The following KRT72 variants were observed in gnomAD, a reference collection of about 807,000 sequenced individuals.
KRT72 encodes keratin 72.
Under a neutral mutation model 44.7 loss-of-function variants are expected in KRT72, and 44 were observed. The observed-to-expected ratio is 0.98, with a 90% CI of 0.77 to 1.27. KRT72 has a LOEUF of 1.27. Ranked by LOEUF, KRT72 falls within the 50% of genes most tolerant of loss-of-function variation. The pLI is 0.00. For synonymous variants in KRT72, 302 were observed against 280.4 expected (o/e 1.08, Z -0.77); for missense variants, 736 against 667.1 (o/e 1.10, Z -1.14).
rs7310138 is a variant in KRT72 at position 52,587,843 on chromosome 12, A to T, written c.1098T>A (p.Asp366Glu). ...EIGNVKKQCA[D>E]LETAIADAEQ... ...CAGCGTCGGCGATGGCCGTCTCCAG[A>T]TCGGCACACTGAGGGGCAAACAGAT... The change falls in exon 7 of 9, where the codon GAT (aspartate) becomes GAA (glutamate). Residue 366 changes from aspartate (D) to glutamate (E), a missense_variant. Coordinates refer to ENST00000293745, the MANE Select transcript of KRT72 (RefSeq NM_080747.3). The T allele has an allele frequency of 0.21, 338,642 of 1,613,338 alleles. 37,996 individuals carry two copies. The highest frequency in any genetic ancestry group is 0.24 in the Non-Finnish European group (277,663 of 1,179,480).
intron 7 of KRT72, 23 bp downstream of exon 7, chr12:52,587,608 C>T (rs1161912880): frequency 6.2e-7 from 1 of 1,613,076 alleles, no homozygotes; most frequent in Non-Finnish European, 8.5e-7. Context: ...CTGGTCCCGA[C>T]ACAAGGGTAT....
At chr12:52,592,748 G>A in intron 3 of KRT72, 144 bp downstream of exon 3, 1 of 715,690 alleles carries the variant, frequency 1.4e-6, no homozygotes, top group Middle Eastern at 3.9e-4. Flanking sequence ...GGGACTTGGA[G>A]GGAGGGGCTG....
chr12:52,600,221 A>T (rs1940372350), intron 1 of KRT72, among the ~76,000 whole-genome samples: 1 of 151,692 alleles, frequency 6.6e-6, no homozygotes, highest in Admixed American at 6.6e-5. Context: ...CTCCTCTATC[A>T]TCTTCCTGGC....
intron 6 of KRT72, 116 bp from the exon 7 acceptor site, chr12:52,587,967 T>C (rs941800427): frequency 7.7e-6 from 8 of 1,040,684 alleles, no homozygotes; most frequent in Non-Finnish European, 8.3e-6. Flanking sequence ...ATCCTCCTGG[T>C]TTATCCAACT....
intron 6 of KRT72, 134 bp downstream of exon 6, chr12:52,590,702 T>C (rs1392835648): frequency 1.2e-6 from 1 of 844,418 alleles, no homozygotes; most frequent in Non-Finnish European, 1.7e-6. Flanking sequence ...TCCATATCTG[T>C]TCAGATCATC....
At position 52,591,444 on chromosome 12, in the gene KRT72, C is replaced by T; in HGVS notation, c.963+20G>A. The T allele has an allele frequency of 6.2e-7, 1 of 1,609,694 alleles. No individual in the cohort carries two copies. Among genetic ancestry groups the T allele is most frequent in the Non-Finnish European group, 8.5e-7 (1 of 1,176,878 alleles). On this transcript the variant is annotated intron_variant, in intron 5 of 8. Coordinates refer to ENST00000293745, the MANE Select transcript of KRT72 (RefSeq NM_080747.3). The stretch of plus-strand genomic sequence containing the variant: ...GCTAGCTGTGGCCAGTGGGACTCAG[C>T]ACACCTGGCACCAGCTCACCTTGGT...
rs1241561714 is a variant in KRT72 at position 52,585,971 on chromosome 12, C to T, written c.*11G>A. On this transcript the variant is annotated 3_prime_UTR_variant, in exon 9 of 9. Coordinates refer to ENST00000293745, the MANE Select transcript of KRT72 (RefSeq NM_080747.3). ...GGAAGCCTTCTGCTCACAGAGCCAA[C>T]CACTTGTCCATCATCTGGAGGCCTT... 2 of 1,608,786 alleles carry T rather than the reference C, an allele frequency of 1.2e-6. No individual in the cohort carries two copies. Among genetic ancestry groups the T allele is most frequent in the Non-Finnish European group, 1.7e-6 (2 of 1,176,690 alleles).
intron 6 of KRT72, among the ~76,000 whole-genome samples, chr12:52,590,018 C>T (rs943694375): frequency 1.2e-4 from 18 of 151,916 alleles, no homozygotes; most frequent in African/African-American, 4.4e-4. Context: ...TGTGTGTGTA[C>T]ATGTGTAAGC....
rs769009545 is a variant in KRT72 at position 52,599,402 on chromosome 12, G to C, written c.427-290C>G. ...GGTAGCTTCTCATGCTATAAATGCT[G>C]GTGTTTTCTGAGTAAAGAGAAATGG... On this transcript the variant is annotated intron_variant, in intron 1 of 8. Coordinates refer to ENST00000293745, the MANE Select transcript of KRT72 (RefSeq NM_080747.3). 10 of 508,234 alleles carry C rather than the reference G, an allele frequency of 2.0e-5. No homozygotes were observed. In the Admixed American group the frequency reaches 2.3e-4, roughly 12 times the overall value. The allele number at this position is 508,234 out of a possible 1,614,324, so 31.5% of individuals were successfully genotyped here.
At chr12:52,588,853 G>A (rs535016015) in intron 6 of KRT72, among the ~76,000 whole-genome samples, 6 of 152,050 alleles carry the variant, frequency 3.9e-5, no homozygotes, top group South Asian at 2.1e-4. Context: ...AAAATTAGCC[G>A]GGAGTGATGG....
In KRT72 at chr12:52,585,877, T is replaced by C; in HGVS notation, c.*105A>G. The C allele has an allele frequency of 9.4e-7, 1 of 1,061,454 alleles. No individual in the cohort carries two copies. Among genetic ancestry groups the C allele is most frequent in the Non-Finnish European group, 1.4e-6 (1 of 709,786 alleles). The allele number at this position is 1,061,454 out of a possible 1,614,324, so 65.8% of individuals were successfully genotyped here. A position where few individuals can be genotyped will look rare whatever the true frequency, so the allele number is the denominator to read the frequency against. On this transcript the variant is annotated 3_prime_UTR_variant, in exon 9 of 9. Transcript: ENST00000293745. ...AGAGGAAATGGGGTTGGGACTGTAG[T>C]GACAGACAAAGCATTTCTTGACTTG... is the stretch of plus-strand genomic sequence containing the variant.
chr12:52,588,115 G>A (rs1939853372), intron 6 of KRT72, among the ~76,000 whole-genome samples: 1 of 152,212 alleles, frequency 6.6e-6, no homozygotes, highest in Admixed American at 6.5e-5. Flanking sequence ...AGGGCGGCCT[G>A]GGCACATGGC....
chr12:52,586,140 C>G lies in KRT72; in HGVS notation c.1378G>C (p.Gly460Arg), dbSNP rs1423399722. 1 of 1,614,106 alleles carries G rather than the reference C, an allele frequency of 6.2e-7. No individual in the cohort carries two copies. ...VISSTNAGAG[G>R]AGFSMGFGAS... The stretch of plus-strand genomic sequence containing the variant: ...CCAAAGCCCATGCTGAAGCCAGCCC[C>G]TCCTGCCCCAGCATTGGTGCTGCTG... Residue 460 changes from glycine (G) to arginine (R), a missense_variant, in exon 9 of 9, where the codon GGG (glycine) becomes CGG (arginine). Gly to Arg is a moderately radical substitution (Grantham distance 125). Transcript: ENST00000293745.
At chr12:52,590,713 C>A in intron 6 of KRT72, 123 bp downstream of exon 6, 1 of 925,044 alleles carries the variant, frequency 1.1e-6, no homozygotes, top group Non-Finnish European at 1.6e-6. Context: ...TCAGATCATC[C>A]TCTCCTGGTA....
chr12:52,591,546 C>T lies in KRT72; in HGVS notation c.881G>A (p.Ser294Asn), dbSNP rs1367236890. 1 of 1,614,090 alleles carries T rather than the reference C, an allele frequency of 6.2e-7. No individual in the cohort carries two copies. The highest frequency in any genetic ancestry group is 2.2e-5 in the East Asian group (1 of 44,876). Reference sequence around the variant, plus strand: ...CTGGGCACGGACCTCGGCAATGATGCTGTCCAGGTCCAGATCCCGGTTGTT... The same window carrying T: ...CTGGGCACGGACCTCGGCAATGATGTTGTCCAGGTCCAGATCCCGGTTGTT... ...MDNNRDLDLD[S>N]IIAEVRAQYE... is the part of the protein sequence containing the mutation. Residue 294 changes from serine to asparagine, a missense_variant, in exon 5 of 9, where the codon AGC becomes AAC. Physicochemically the swap from Ser to Asn is conservative, Grantham distance 46 (BLOSUM62 1). Transcript: ENST00000293745.
intron 6 of KRT72, among the ~76,000 whole-genome samples, chr12:52,588,110 G>A (rs189224412): frequency 4.9e-4 from 75 of 152,326 alleles, no homozygotes; most frequent in Admixed American, 1.6e-3. Context: ...GAAAGAGGGC[G>A]GCCTGGGCAC....
rs1354729482 is a variant in KRT72 at position 52,585,664 on chromosome 12, G to A, written c.*318C>T. 1 of 276,920 alleles carries A rather than the reference G, an allele frequency of 3.6e-6. No homozygotes were observed. Among genetic ancestry groups the A allele is most frequent in the Admixed American group, 5.0e-5 (1 of 20,182 alleles). 17.2% of individuals were successfully genotyped at this position (276,920 alleles called of 1,614,324 possible). The stretch of plus-strand genomic sequence containing the variant: ...ATCAGAAGATGAAGAGAGTCCCTTG[G>A]TAGTGAAGGCCCAAGAAAGGCATGG... On this transcript the variant is annotated 3_prime_UTR_variant, in exon 9 of 9. Coordinates refer to ENST00000293745, the MANE Select transcript of KRT72 (RefSeq NM_080747.3).
chr12:52,585,813 C>A lies in KRT72; in HGVS notation c.*169G>T. 1 of 651,804 alleles carries A rather than the reference C, an allele frequency of 1.5e-6. No homozygotes were observed. The highest frequency in any genetic ancestry group is 2.7e-6 in the Non-Finnish European group (1 of 372,128). The allele number at this position is 651,804 out of a possible 1,614,324, so 40.4% of individuals were successfully genotyped here. On this transcript the variant is annotated 3_prime_UTR_variant, in exon 9 of 9. Transcript: ENST00000293745. ...GCCACTGAGAGAGCTCCTGACTGGA[C>A]TCCTTGCATCGAAGCATCACACCTT...
chr12:52,591,393 TACAC>T, intron 5 of KRT72, 67 bp downstream of exon 5: 1 of 1,472,068 alleles, frequency 6.8e-7, no homozygotes, highest in Non-Finnish European at 9.4e-7. Flanking sequence ...CACACACACG[TACAC>T]ATGCACACAT....
Sources: gnomAD v4.1 joint callset for allele counts (sites outside exome capture counted in the v4.1 genomes callset) on GRCh38, gnomAD v4.1.1 for gene constraint, MANE v1.5 for transcripts, NCBI Gene and HGNC (gene_info 2026-07-23, HGNC 2026-07-21) for gene names.